GRID1: variants seen among roughly 807,000 people sequenced by gnomAD.
GRID1 encodes glutamate ionotropic receptor delta type subunit 1, also known as glutamate receptor ionotropic, delta-1.
GRID1 carries 28 observed loss-of-function variants against 98.0 expected under a neutral mutation model. That is an observed-to-expected ratio of 0.29 (90% CI 0.21 to 0.39). The LOEUF is 0.39. Among genes scored for constraint, GRID1 ranks in the 10% least tolerant of loss-of-function variants. The pLI, the probability that GRID1 is intolerant of heterozygous loss-of-function variation, is 1.00. For synonymous variants in GRID1, 553 were observed against 538.5 expected (o/e 1.03, Z -0.37); for missense variants, 1,111 against 1,340.5 (o/e 0.83, Z 2.67).
chr10:86,281,379 G>A (rs1299971914), intron 2 of GRID1, among the ~76,000 whole-genome samples: 3 of 152,186 alleles, frequency 2.0e-5, no homozygotes, highest in Non-Finnish European at 4.4e-5. Context: ...GGGTTATGGG[G>A]TACAGCAAGG....
intron 12 of GRID1, among the ~76,000 whole-genome samples, chr10:85,682,133 G>A (rs549697353): frequency 6.6e-6 from 1 of 152,324 alleles, no homozygotes; most frequent in East Asian, 1.9e-4. Context: ...AGGCCTTGCA[G>A]ATGGAAGGAA....
intron 12 of GRID1, among the ~76,000 whole-genome samples, chr10:85,695,738 A>G (rs1477152244): frequency 1.3e-5 from 2 of 152,208 alleles, no homozygotes; most frequent in Non-Finnish European, 2.9e-5. Flanking sequence ...TCCTCAATCT[A>G]AAAATAAATA....
chr10:85,879,236 C>T lies in GRID1; in HGVS notation c.781-10056G>A, dbSNP rs866111070. 1.7e-4 allele frequency among the ~76,000 whole-genome samples: 26 copies of T among 152,056 alleles called. 2 individuals carry two copies. The highest frequency in any genetic ancestry group is 5.8e-4 in the African/African-American group (24 of 41,454). ...ACGAGACAGAAAGTCAACAAGGATACCCAGGAATTGAACTCAGCTCTGCAC... is the reference window on the plus strand; with the variant it reads ...ACGAGACAGAAAGTCAACAAGGATATCCAGGAATTGAACTCAGCTCTGCAC... On this transcript the variant is annotated intron_variant, in intron 5 of 15. Coordinates refer to ENST00000327946, the MANE Select transcript of GRID1 (RefSeq NM_017551.3).
intron 3 of GRID1, among the ~76,000 whole-genome samples, chr10:86,165,694 G>A (rs912347536): frequency 1.3e-5 from 2 of 152,190 alleles, no homozygotes; most frequent in South Asian, 4.1e-4. Context: ...TGAGATCAAG[G>A]TGAGTGGCCA....
chr10:86,179,576 T>C (rs1845625783), intron 3 of GRID1, among the ~76,000 whole-genome samples: 1 of 152,112 alleles, frequency 6.6e-6, no homozygotes. Flanking sequence ...CTCTGACAGT[T>C]TGTGGGGCCT....
intron 3 of GRID1, among the ~76,000 whole-genome samples, chr10:86,191,898 C>T (rs1251351161): frequency 1.3e-5 from 2 of 152,134 alleles, no homozygotes; most frequent in African/African-American, 2.4e-5. Flanking sequence ...TGATGGCACC[C>T]CTGCTGATCC....
chr10:85,742,609 C>T (rs992230904), intron 8 of GRID1, among the ~76,000 whole-genome samples: 2 of 152,146 alleles, frequency 1.3e-5, no homozygotes, highest in South Asian at 2.1e-4. Context: ...GCATCTTTAA[C>T]GCATTATGCT....
chr10:85,841,082 C>G (rs1031003435), intron 8 of GRID1, among the ~76,000 whole-genome samples: 2 of 152,162 alleles, frequency 1.3e-5, no homozygotes, highest in African/African-American at 4.8e-5. Flanking sequence ...TACCCTACTT[C>G]AAACCATACT....
chr10:86,262,219 T>G (rs1847027313), intron 2 of GRID1, among the ~76,000 whole-genome samples: 1 of 152,234 alleles, frequency 6.6e-6, no homozygotes, highest in African/African-American at 2.4e-5. Context: ...CTGCTCCTAC[T>G]GAGCCCAGGA....
chr10:85,616,113 A>G (rs1842785348), intron 14 of GRID1, among the ~76,000 whole-genome samples: 1 of 152,228 alleles, frequency 6.6e-6, no homozygotes, highest in South Asian at 2.1e-4. Flanking sequence ...GCTGGTTAGT[A>G]GTTGTCAGCC....
intron 2 of GRID1, among the ~76,000 whole-genome samples, chr10:86,250,068 G>A (rs1846796328): frequency 6.6e-6 from 1 of 152,116 alleles, no homozygotes; most frequent in African/African-American, 2.4e-5. Flanking sequence ...TGGGTAGCTG[G>A]GTGGGTGGAT....
intron 2 of GRID1, among the ~76,000 whole-genome samples, chr10:86,315,355 A>G (rs1220505737): frequency 6.6e-6 from 1 of 152,260 alleles, no homozygotes; most frequent in Non-Finnish European, 1.5e-5. Context: ...CCTGGACCCC[A>G]GGCAAGGAGG....
chr10:86,307,114 T>C (rs989775272), intron 2 of GRID1, among the ~76,000 whole-genome samples: 3 of 152,292 alleles, frequency 2.0e-5, no homozygotes, highest in Non-Finnish European at 4.4e-5. Flanking sequence ...ATAGCCATTA[T>C]GGAAAACAGT....
chr10:85,854,962 A>G (rs193289559), intron 7 of GRID1, among the ~76,000 whole-genome samples: 1 of 152,218 alleles, frequency 6.6e-6, no homozygotes, highest in Non-Finnish European at 1.5e-5. Context: ...CTCCCCTTGC[A>G]ATCAGTTCCA....
intron 8 of GRID1, among the ~76,000 whole-genome samples, chr10:85,769,772 A>C (rs951313424): frequency 6.6e-6 from 1 of 152,134 alleles, no homozygotes; most frequent in African/African-American, 2.4e-5. Flanking sequence ...AGGCTGGGGG[A>C]GGGGCGCCTG....
chr10:85,631,383 T>C (rs956725601), intron 13 of GRID1, among the ~76,000 whole-genome samples: 1 of 152,236 alleles, frequency 6.6e-6, no homozygotes, highest in African/African-American at 2.4e-5. Flanking sequence ...CAAGCTTTTG[T>C]TAATGACATC....
At chr10:85,906,805 C>A (rs146635672) in intron 5 of GRID1, among the ~76,000 whole-genome samples, 1 of 151,926 alleles carries the variant, frequency 6.6e-6, no homozygotes, top group East Asian at 1.9e-4. Flanking sequence ...CAGCTTACTC[C>A]CTAGAAACTA....
intron 12 of GRID1, among the ~76,000 whole-genome samples, chr10:85,705,582 G>C (rs1841506548): frequency 6.6e-6 from 1 of 152,134 alleles, no homozygotes. Flanking sequence ...AATAGAAAAG[G>C]AGGGAATCTT....
intron 11 of GRID1, 45 bp from the exon 12 acceptor site, chr10:85,723,186 C>T (rs1432139845): frequency 1.3e-6 from 2 of 1,556,120 alleles, no homozygotes; most frequent in Non-Finnish European, 1.7e-6. Flanking sequence ...CTTCTGCTCT[C>T]CCTCCTATCC....
Sources: gnomAD v4.1 joint callset for allele counts (sites outside exome capture counted in the v4.1 genomes callset) on GRCh38, gnomAD v4.1.1 for gene constraint, MANE v1.5 for transcripts, NCBI Gene and HGNC (gene_info 2026-07-23, HGNC 2026-07-21) for gene names.